The following MYOF variants were observed in gnomAD, a reference collection of about 807,000 sequenced individuals.
MYOF encodes myoferlin, also known as fer-1-like 3, myoferlin.
In MYOF, 244 loss-of-function variants were observed where a neutral mutation model predicts 284.2. That is an observed-to-expected ratio of 0.86 (90% CI 0.77 to 0.95). The LOEUF is 0.95. MYOF is among the 40% of genes least tolerant of loss of function. The pLI is 0.00. For synonymous variants in MYOF, 904 were observed against 919.7 expected (o/e 0.98, Z 0.31); for missense variants, 2,496 against 2,560.6 (o/e 0.97, Z 0.54).
At chr10:93,377,562 A>G in intron 21 of MYOF, 133 bp from the exon 22 acceptor site, 1 of 677,192 alleles carries the variant, frequency 1.5e-6, no homozygotes, top group South Asian at 2.0e-5. Context: ...GAAACCAGCA[A>G]AGATAGGAGA....
At chr10:93,475,490 A>T (rs2057239442) in intron 1 of MYOF, among the ~76,000 whole-genome samples, 1 of 152,192 alleles carries the variant, frequency 6.6e-6, no homozygotes, top group Non-Finnish European at 1.5e-5. Context: ...TTCTTTGCTA[A>T]GCCTCATTCA....
At chr10:93,457,443 C>T (rs1184450712) in intron 1 of MYOF, among the ~76,000 whole-genome samples, 5 of 152,158 alleles carry the variant, frequency 3.3e-5, no homozygotes, top group South Asian at 4.1e-4. Flanking sequence ...CCATAGGCTT[C>T]GGTACAAGGT....
At position 93,408,838 on chromosome 10, in the gene MYOF, G is replaced by T; in HGVS notation, c.678C>A (p.Gly226=). ...TCTTGATTCTTGTTCGGTGTGTCTG[G>T]CCACAGACGTGAACTTTGACCACAG... ...IRPVVKVHVC[G]QTHRTRIKRG... The change falls in exon 7 of 54, where the codon GGC becomes GGA. Residue 226 remains glycine (G), a synonymous_variant. Coordinates refer to ENST00000359263, the MANE Select transcript of MYOF (RefSeq NM_013451.4). The T allele has an allele frequency of 6.2e-7, 1 of 1,614,156 alleles. No homozygotes were observed. The highest frequency in any genetic ancestry group is 2.2e-5 in the East Asian group (1 of 44,872).
intron 38 of MYOF, 74 bp from the exon 39 acceptor site, chr10:93,340,238 A>G (rs1843835762): frequency 6.5e-7 from 1 of 1,531,630 alleles, no homozygotes; most frequent in Non-Finnish European, 9.0e-7. Context: ...GACCCCAGGA[A>G]CATGAAGTTT....
chr10:93,458,660 G>A (rs2056802312), intron 1 of MYOF, among the ~76,000 whole-genome samples: 1 of 152,142 alleles, frequency 6.6e-6, no homozygotes, highest in African/African-American at 2.4e-5. Context: ...AACCCAGGAG[G>A]CAGAGGTTGC....
At chr10:93,469,913 A>G (rs1007129670) in intron 1 of MYOF, among the ~76,000 whole-genome samples, 1 of 151,922 alleles carries the variant, frequency 6.6e-6, no homozygotes, top group Non-Finnish European at 1.5e-5. Flanking sequence ...TCTTATTTTT[A>G]TTTTTACTTT....
intron 53 of MYOF, among the ~76,000 whole-genome samples, chr10:93,307,898 T>A (rs958645367): frequency 4.6e-5 from 7 of 150,634 alleles, no homozygotes; most frequent in African/African-American, 1.7e-4. Flanking sequence ...GTGCTGGGAT[T>A]ATAGGTGTGA....
At chr10:93,311,985 G>C (rs922933318) in intron 51 of MYOF, among the ~76,000 whole-genome samples, 2 of 152,160 alleles carry the variant, frequency 1.3e-5, no homozygotes, top group Non-Finnish European at 2.9e-5. Context: ...GAAATTTTGG[G>C]GGTGATGGGA....
Position 93,397,254 on chromosome 10 carries a change from A to G in MYOF, c.1327T>C (p.Tyr443His). 1 of 1,590,862 alleles carries G rather than the reference A, an allele frequency of 6.3e-7. No individual in the cohort carries two copies. The highest frequency in any genetic ancestry group is 8.6e-7 in the Non-Finnish European group (1 of 1,162,480). Residue 443 changes from tyrosine (Y) to histidine (H), a missense_variant, in exon 15 of 54, where the codon TAT becomes CAT. This residue lies in a region of MYOF where 2,436 missense variants were observed against 2,480.7 expected (regional missense o/e 0.98). Transcript: ENST00000359263. ...TACGTATTTTCAACTCACCAGTCAT[A>G]TATTGTTAGTTTTATTTTTTCACAC... ...SVCEKIKLTI[Y>H]DWDRLTKNDV...
intron 24 of MYOF, among the ~76,000 whole-genome samples, chr10:93,372,255 G>A (rs1845627547): frequency 6.6e-6 from 1 of 152,136 alleles, no homozygotes; most frequent in Admixed American, 6.5e-5. Context: ...TGATTTCTTT[G>A]TTTCGGCCCT....
At chr10:93,454,892 T>C (rs1003910332) in intron 2 of MYOF, among the ~76,000 whole-genome samples, 1 of 149,890 alleles carries the variant, frequency 6.7e-6, no homozygotes, top group East Asian at 2.0e-4. Context: ...AGCAGGGCTA[T>C]CGCTTGGCCC....
At chr10:93,356,974 G>T in intron 29 of MYOF, 126 bp from the exon 30 acceptor site, 1 of 997,048 alleles carries the variant, frequency 1.0e-6, no homozygotes. Context: ...GCCAAGTACT[G>T]AGCTAGAGTC....
chr10:93,408,223 T>TTTTAGATATCTAAAAGCTAGATAG (rs1847710729), intron 7 of MYOF, among the ~76,000 whole-genome samples: 2 of 151,918 alleles, frequency 1.3e-5, no homozygotes, highest in African/African-American at 4.8e-5. Context: ...AAGCTAGATA[T>TTTTAGATATCTAAAAGCTAGATAG]CTTTTAGATT....
At chr10:93,402,481 T>G in intron 10 of MYOF, 134 bp from the exon 11 acceptor site, 1 of 703,770 alleles carries the variant, frequency 1.4e-6, no homozygotes, top group Admixed American at 2.2e-5. Flanking sequence ...CAGATGAGTG[T>G]CCACTTTCAC....
chr10:93,453,607 T>C (rs973354600), intron 2 of MYOF, among the ~76,000 whole-genome samples: 4 of 152,092 alleles, frequency 2.6e-5, no homozygotes, highest in Non-Finnish European at 5.9e-5. Flanking sequence ...CCTCAGAGCT[T>C]CTCTTAGAAC....
At chr10:93,390,751 CAG>C (rs1381678601) in intron 17 of MYOF, among the ~76,000 whole-genome samples, 1 of 151,340 alleles carries the variant, frequency 6.6e-6, no homozygotes, top group African/African-American at 2.4e-5. Flanking sequence ...AGAATTAAAG[CAG>C]AGACTCACAG....
Position 93,306,942 on chromosome 10 carries a change from G to A in MYOF, c.*21C>T. 1 of 1,610,362 alleles carries A rather than the reference G, an allele frequency of 6.2e-7. No individual in the cohort carries two copies. The highest frequency in any genetic ancestry group is 8.5e-7 in the Non-Finnish European group (1 of 1,177,124). ...ATTCTCTCATTGCTGGATGACTCTT[G>A]AAATGAAGCCTTTGCCTTTGTTACA... On this transcript the variant is annotated 3_prime_UTR_variant, in exon 54 of 54. Transcript: ENST00000359263.
At chr10:93,420,362 A>T (rs908475137) in intron 5 of MYOF, among the ~76,000 whole-genome samples, 5 of 152,214 alleles carry the variant, frequency 3.3e-5, no homozygotes, top group Non-Finnish European at 7.3e-5. Context: ...TTTTCAGGTC[A>T]AGCCTGGAGA....
At chr10:93,385,815 A>T (rs1846334766) in intron 19 of MYOF, among the ~76,000 whole-genome samples, 1 of 150,930 alleles carries the variant, frequency 6.6e-6, no homozygotes, top group African/African-American at 2.4e-5. Flanking sequence ...TTCTGTTGAC[A>T]TATACTGTGG....
Sources: gnomAD v4.1 joint callset for allele counts (sites outside exome capture counted in the v4.1 genomes callset) on GRCh38, gnomAD v4.1.1 for gene constraint, gnomAD v4.1.1 regional missense constraint, MANE v1.5 for transcripts, NCBI Gene and HGNC (gene_info 2026-07-23, HGNC 2026-07-21) for gene names.